Variants in TMEM135 observed in about 807,000 individuals in gnomAD.
TMEM135 encodes the protein peroxisomal membrane protein 52.
A neutral mutation model predicts 60.3 loss-of-function variants in TMEM135; 30 were observed. The ratio of observed to expected loss-of-function variants is 0.50; its 90% CI spans 0.37 to 0.68. TMEM135 has a LOEUF of 0.68. Ranked by LOEUF, TMEM135 falls within the 30% of genes least tolerant of loss-of-function variation. TMEM135 has a pLI of 0.00. For missense variants in TMEM135, 468 were observed against 548.8 expected (o/e 0.85, Z 1.47); for synonymous variants, 190 against 186.7 (o/e 1.02, Z -0.14).
intron 4 of TMEM135, among the ~76,000 whole-genome samples, chr11:87,096,872 C>G (rs1053240478): frequency 6.6e-6 from 1 of 152,152 alleles, no homozygotes; most frequent in East Asian, 1.9e-4. Context: ...TTTTCATTAC[C>G]CACATATTTT....
At chr11:87,139,173 A>C (rs1455280995) in intron 4 of TMEM135, among the ~76,000 whole-genome samples, 1 of 152,092 alleles carries the variant, frequency 6.6e-6, no homozygotes, top group Non-Finnish European at 1.5e-5. Flanking sequence ...CTTCCTAAAA[A>C]ATTTTTCATT....
At chr11:87,152,971 CT>C (rs534574740) in intron 4 of TMEM135, among the ~76,000 whole-genome samples, 37 of 152,192 alleles carry the variant, frequency 2.4e-4, no homozygotes, top group African/African-American at 8.2e-4. Context: ...TTTTATGCAT[CT>C]CCCACATATA....
chr11:87,175,231 C>A (rs1232506938), intron 5 of TMEM135, among the ~76,000 whole-genome samples: 1 of 152,112 alleles, frequency 6.6e-6, no homozygotes, highest in Non-Finnish European at 1.5e-5. Flanking sequence ...ATACTTCATG[C>A]CAGAATCACA....
rs1940377271 is a variant in TMEM135 at position 87,211,830 on chromosome 11, G to T, written c.463-24808G>T. 2.0e-5 allele frequency among the ~76,000 whole-genome samples: 3 copies of T among 152,082 alleles called. No individual in the cohort carries two copies. The South Asian group carries it at 6.2e-4, about 31-fold the overall frequency. On this transcript the variant is annotated intron_variant, in intron 5 of 14. Transcript: ENST00000305494. ...GTGGTGGCAGGCGCCTGTAGTCCCA[G>T]CTACTCGGGAGGTTGAGGCAGGAGA...
chr11:87,287,676 A>G (rs570002949), intron 6 of TMEM135, among the ~76,000 whole-genome samples: 2 of 152,328 alleles, frequency 1.3e-5, no homozygotes, highest in South Asian at 4.1e-4. Flanking sequence ...ACTGCGTCTC[A>G]TAAATTAATA....
chr11:87,055,064 A>G (rs1212097706), intron 1 of TMEM135, among the ~76,000 whole-genome samples: 1 of 152,200 alleles, frequency 6.6e-6, no homozygotes, highest in East Asian at 1.9e-4. Context: ...TTAAATAAAT[A>G]CGAAATTATC....
intron 4 of TMEM135, among the ~76,000 whole-genome samples, chr11:87,098,235 A>T (rs1189045983): frequency 1.3e-5 from 2 of 152,086 alleles, no homozygotes; most frequent in Non-Finnish European, 2.9e-5. Flanking sequence ...CCAATAATGG[A>T]ACACTAGGCA....
In TMEM135 at chr11:87,081,517, C is replaced by T. The variant is rs140286252; in HGVS notation, c.363-9845C>T. Among the ~76,000 whole-genome samples, 346 of 152,100 alleles carry T rather than the reference C, an allele frequency of 2.3e-3. 1 individual carries two copies. Among genetic ancestry groups the T allele is most frequent in the African/African-American group, 8.0e-3 (331 of 41,492 alleles). Reference sequence around the variant, plus strand: ...GGTTTGTTTTTTCTCTTTCTTTGAACGCTAACATTAGTTCAAATACAGTAA... The same window carrying T: ...GGTTTGTTTTTTCTCTTTCTTTGAATGCTAACATTAGTTCAAATACAGTAA... On this transcript the variant is annotated intron_variant, in intron 3 of 14. Transcript: ENST00000305494.
At chr11:87,284,150 T>C (rs1294533475) in intron 6 of TMEM135, among the ~76,000 whole-genome samples, 1 of 152,246 alleles carries the variant, frequency 6.6e-6, no homozygotes, top group Non-Finnish European at 1.5e-5. Flanking sequence ...AGTTAATTTG[T>C]TAAGTCTGCA....
intron 6 of TMEM135, among the ~76,000 whole-genome samples, chr11:87,264,280 A>G (rs532302584): frequency 4.1e-5 from 6 of 144,852 alleles, no homozygotes; most frequent in East Asian, 4.0e-4. Flanking sequence ...CTCCTCCCCA[A>G]TCTCACTTTT....
intron 1 of TMEM135, among the ~76,000 whole-genome samples, chr11:87,060,007 G>T (rs903878323): frequency 5.5e-4 from 84 of 152,150 alleles, no homozygotes; most frequent in African/African-American, 1.9e-3. Flanking sequence ...TCAGCTGCTT[G>T]GGAGGCTGAG....
chr11:87,054,983 T>A (rs1299678038), intron 1 of TMEM135, among the ~76,000 whole-genome samples: 1 of 152,212 alleles, frequency 6.6e-6, no homozygotes, highest in Non-Finnish European at 1.5e-5. Flanking sequence ...TATTACATGT[T>A]ACCTACAATG....
intron 6 of TMEM135, among the ~76,000 whole-genome samples, chr11:87,252,437 A>G (rs1232580108): frequency 6.6e-6 from 1 of 152,226 alleles, no homozygotes; most frequent in Non-Finnish European, 1.5e-5. Context: ...GTGGCTTTCT[A>G]AATACATGGT....
chr11:87,268,160 TTTCC>T, intron 6 of TMEM135, among the ~76,000 whole-genome samples: 2 of 146,086 alleles, frequency 1.4e-5, no homozygotes, highest in Non-Finnish European at 3.1e-5. Flanking sequence ...CTTTATTTCC[TTTCC>T]TTTCCTTTCT....
At chr11:87,244,935 G>A (rs537207901) in intron 6 of TMEM135, among the ~76,000 whole-genome samples, 116 of 151,364 alleles carry the variant, frequency 7.7e-4, no homozygotes, top group African/African-American at 2.8e-3. Context: ...TCTTTTAATT[G>A]CGATGTTCGG....
At chr11:87,204,407 T>C (rs1018812612) in intron 5 of TMEM135, among the ~76,000 whole-genome samples, 2 of 152,168 alleles carry the variant, frequency 1.3e-5, no homozygotes, top group Non-Finnish European at 2.9e-5. Context: ...AGTTATGCAA[T>C]ACAGTTGACC....
At chr11:87,075,989 T>G (rs944517117) in intron 3 of TMEM135, among the ~76,000 whole-genome samples, 1 of 152,178 alleles carries the variant, frequency 6.6e-6, no homozygotes, top group Non-Finnish European at 1.5e-5. Flanking sequence ...TGGGTCAGAC[T>G]TGAAGCTAGC....
chr11:87,293,378 GTTTT>G (rs889182936), intron 6 of TMEM135, among the ~76,000 whole-genome samples: 18 of 135,978 alleles, frequency 1.3e-4, no homozygotes, highest in Admixed American at 1.3e-3. Flanking sequence ...GTTTTTAAGT[GTTTT>G]TTTTTCTTCT....
At chr11:87,316,915 A>C (rs1942742347) in intron 12 of TMEM135, among the ~76,000 whole-genome samples, 1 of 151,666 alleles carries the variant, frequency 6.6e-6, no homozygotes, top group Non-Finnish European at 1.5e-5. Context: ...TAGAAATTTA[A>C]GCTTGCTATG....
Sources: gnomAD v4.1 joint callset for allele counts (sites outside exome capture counted in the v4.1 genomes callset) on GRCh38, gnomAD v4.1.1 for gene constraint, MANE v1.5 for transcripts, NCBI Gene and HGNC (gene_info 2026-07-23, HGNC 2026-07-21) for gene names.